The following SLC37A3 variants were observed in gnomAD, a reference collection of about 807,000 sequenced individuals.
SLC37A3 encodes solute carrier family 37 member 3.
In SLC37A3, 51 loss-of-function variants were observed where a neutral mutation model predicts 67.1. The ratio of observed to expected loss-of-function variants is 0.76; its 90% CI spans 0.61 to 0.96. The LOEUF (loss-of-function observed/expected upper bound fraction) is 0.96, where lower values mean the gene tolerates loss of function less well. Among genes scored for constraint, SLC37A3 ranks in the 40% least tolerant of loss-of-function variants. SLC37A3 has a pLI of 0.00. For synonymous variants in SLC37A3, 214 were observed against 231.4 expected (o/e 0.92, Z 0.68); for missense variants, 508 against 603.0 (o/e 0.84, Z 1.65).
chr7:140,373,112 C>T (rs1184035071), intron 3 of SLC37A3, among the ~76,000 whole-genome samples: 2 of 152,080 alleles, frequency 1.3e-5, no homozygotes, highest in African/African-American at 2.4e-5. Context: ...CCACCATGCC[C>T]GGCTAATTTT....
intron 3 of SLC37A3, among the ~76,000 whole-genome samples, chr7:140,375,652 G>A (rs984888319): frequency 2.0e-5 from 3 of 152,050 alleles, no homozygotes; most frequent in African/African-American, 7.2e-5. Context: ...TCCAGCTTAC[G>A]AACTACGAAA....
chr7:140,375,406 C>T (rs923482141), intron 3 of SLC37A3, among the ~76,000 whole-genome samples: 13 of 150,186 alleles, frequency 8.7e-5, no homozygotes, highest in East Asian at 5.9e-4. Context: ...ACCTGGGAGG[C>T]GGAGGTTGCA....
chr7:140,370,306 C>G (rs1416375992), intron 3 of SLC37A3: 1 of 152,084 alleles, frequency 6.6e-6, no homozygotes, highest in Non-Finnish European at 1.5e-5. Context: ...TGCTCAAATG[C>G]TAGTGACGAA....
intron 13 of SLC37A3, among the ~76,000 whole-genome samples, chr7:140,338,804 C>T (rs1024267061): frequency 2.6e-5 from 4 of 151,760 alleles, no homozygotes; most frequent in African/African-American, 9.7e-5. Context: ...CTTGCTCTGT[C>T]ACCCAGGCTG....
intron 14 of SLC37A3, 92 bp from the exon 15 acceptor site, chr7:140,335,596 C>A: frequency 7.0e-7 from 1 of 1,438,160 alleles, no homozygotes; most frequent in South Asian, 1.3e-5. Flanking sequence ...TGGACAATTA[C>A]ATTCATTTTG....
At chr7:140,396,894 G>GT (rs55939918) in intron 1 of SLC37A3, among the ~76,000 whole-genome samples, 86 of 104,270 alleles carry the variant, frequency 8.2e-4, no homozygotes, top group South Asian at 1.7e-3. Context: ...TTTTTTTTTT[G>GT]TTTTTTTTTT....
intron 3 of SLC37A3, among the ~76,000 whole-genome samples, chr7:140,370,759 T>C (rs940340463): frequency 1.3e-5 from 2 of 152,182 alleles, no homozygotes; most frequent in Non-Finnish European, 2.9e-5. Flanking sequence ...ATAAAAAGTG[T>C]CCTTCATTAA....
Position 140,364,450 on chromosome 7 carries a change from C to T in SLC37A3, c.333G>A (p.Leu111=). ...ISGIVGDRLN[L]RWVLSFGMCS... The stretch of plus-strand genomic sequence containing the variant: ...ACATGCCAAAAGACAGAACCCATCG[C>T]AAATTCAACCGATCCCCAACGATGC... Residue 111 remains leucine (L), a synonymous_variant, in exon 5 of 15, where the codon TTG becomes TTA. Transcript: ENST00000326232. The T allele has an allele frequency of 1.2e-6, 2 of 1,614,022 alleles. No homozygotes were observed. The highest frequency in any genetic ancestry group is 2.2e-5 in the South Asian group (2 of 91,070).
intron 4 of SLC37A3, among the ~76,000 whole-genome samples, chr7:140,367,760 A>G (rs146940378): frequency 5.3e-5 from 8 of 151,310 alleles, no homozygotes; most frequent in African/African-American, 1.9e-4. Flanking sequence ...CTGACGCTGA[A>G]TTACTCCTCG....
intron 14 of SLC37A3, among the ~76,000 whole-genome samples, chr7:140,336,656 C>T (rs1038182211): frequency 6.6e-6 from 1 of 152,114 alleles, no homozygotes; most frequent in Non-Finnish European, 1.5e-5. Context: ...ATATTATATT[C>T]AGCAGATAGA....
At chr7:140,342,610 T>C (rs547212396) in intron 13 of SLC37A3, among the ~76,000 whole-genome samples, 10 of 152,114 alleles carry the variant, frequency 6.6e-5, no homozygotes, top group African/African-American at 2.2e-4. Flanking sequence ...TGGTATATCC[T>C]AGAAGAGGCA....
intron 13 of SLC37A3, among the ~76,000 whole-genome samples, chr7:140,340,293 CTT>C (rs35512830): frequency 4.2e-5 from 6 of 141,898 alleles, no homozygotes; most frequent in Admixed American, 7.0e-5. Flanking sequence ...CAACCTCATT[CTT>C]TTTTTTTTTT....
At chr7:140,345,427 G>A (rs774783283) in intron 11 of SLC37A3, among the ~76,000 whole-genome samples, 164 bp from the exon 12 acceptor site, 1 of 152,142 alleles carries the variant, frequency 6.6e-6, no homozygotes, top group Non-Finnish European at 1.5e-5. Flanking sequence ...GATTTGTAAC[G>A]TCTGCCTCTT....
At chr7:140,351,157 C>G in intron 9 of SLC37A3, 116 bp downstream of exon 9, 1 of 1,022,662 alleles carries the variant, frequency 9.8e-7, no homozygotes, top group South Asian at 1.7e-5. Flanking sequence ...CACGTATATT[C>G]CTAAAATAAA....
intron 1 of SLC37A3, among the ~76,000 whole-genome samples, chr7:140,383,978 C>A (rs1798351932): frequency 1.3e-5 from 2 of 152,090 alleles, no homozygotes. Context: ...GTGCCTGGCC[C>A]CAATGCCTTT....
intron 4 of SLC37A3, among the ~76,000 whole-genome samples, chr7:140,365,207 G>A (rs941177140): frequency 6.6e-6 from 1 of 152,150 alleles, no homozygotes; most frequent in Non-Finnish European, 1.5e-5. Flanking sequence ...GACCTTAAGC[G>A]CAGCACACTT....
chr7:140,343,481 G>C lies in SLC37A3; in HGVS notation c.1257C>G (p.Ser419Arg), dbSNP rs1199408197. 1 of 1,614,074 alleles carries C rather than the reference G, an allele frequency of 6.2e-7. No individual in the cohort carries two copies. Among genetic ancestry groups the C allele is most frequent in the East Asian group, 2.2e-5 (1 of 44,880 alleles). Residue 419 changes from serine (S) to arginine (R), a missense_variant, in exon 13 of 15, where the codon AGC becomes AGG. Physicochemically the swap from Ser to Arg is moderately radical, Grantham distance 110. Transcript: ENST00000326232. ...CTGTGACAGTGGCCAAAGCTTCACT[G>C]CTCCTTTGGATGAGCTCCTGGCGAC... ...DLGRQELIQR[S>R]SEALATVTGI...
In SLC37A3 at chr7:140,364,418, G is replaced by A; in HGVS notation, c.365C>T (p.Ser122Phe). ...GACCTTTCAACTTACCACTAATGCA[G>A]AAGAGCACATGCCAAAAGACAGAAC... ...RWVLSFGMCS[S>F]ALVVFVFGAL... The change falls in exon 5 of 15, where the codon TCT (serine) becomes TTT (phenylalanine). Residue 122 changes from serine to phenylalanine, a missense_variant. Coordinates refer to ENST00000326232, the MANE Select transcript of SLC37A3 (RefSeq NM_207113.3). 1 of 1,613,768 alleles carries A rather than the reference G, an allele frequency of 6.2e-7. No homozygotes were observed. Among genetic ancestry groups the A allele is most frequent in the Non-Finnish European group, 8.5e-7 (1 of 1,179,948 alleles).
intron 7 of SLC37A3, 31 bp downstream of exon 7, chr7:140,355,637 G>A (rs1796992898): frequency 6.4e-7 from 1 of 1,570,322 alleles, no homozygotes; most frequent in Non-Finnish European, 8.8e-7. Flanking sequence ...GAGAGAGAGA[G>A]AGAGCACCAG....
Sources: gnomAD v4.1 joint callset for allele counts (sites outside exome capture counted in the v4.1 genomes callset) on GRCh38, gnomAD v4.1.1 for gene constraint, MANE v1.5 for transcripts, NCBI Gene and HGNC (gene_info 2026-07-23, HGNC 2026-07-21) for gene names.